The following DNAJC15 variants were observed in gnomAD, a reference collection of about 807,000 sequenced individuals.
DNAJC15 encodes DnaJ heat shock protein family (Hsp40) member C15, also known as dnaJ homolog subfamily C member 15.
DNAJC15 carries 27 observed loss-of-function variants against 22.4 expected under a neutral mutation model. The ratio of observed to expected loss-of-function variants is 1.20; its 90% CI spans 0.89 to 1.66. The LOEUF (loss-of-function observed/expected upper bound fraction) is 1.66. Among genes scored for constraint, DNAJC15 ranks in the 40% most tolerant of loss-of-function variants. DNAJC15 has a pLI of 0.00. For synonymous variants in DNAJC15, 79 were observed against 63.2 expected (o/e 1.25, Z -1.19); for missense variants, 208 against 187.1 (o/e 1.11, Z -0.65).
At chr13:43,079,657 A>C (rs1392900084) in intron 4 of DNAJC15, among the ~76,000 whole-genome samples, 1 of 152,146 alleles carries the variant, frequency 6.6e-6, no homozygotes, top group Non-Finnish European at 1.5e-5. Flanking sequence ...ATTTTTCCTG[A>C]ACTTTTATTG....
chr13:43,044,406 G>C (rs892248525), intron 1 of DNAJC15, among the ~76,000 whole-genome samples: 10 of 152,040 alleles, frequency 6.6e-5, no homozygotes, highest in Non-Finnish European at 1.0e-4. Context: ...TATCATACTC[G>C]TCACGGCATA....
chr13:43,047,674 G>T (rs932736293), intron 1 of DNAJC15, among the ~76,000 whole-genome samples: 2 of 152,202 alleles, frequency 1.3e-5, no homozygotes, highest in African/African-American at 4.8e-5. Context: ...TGGAGCCCAG[G>T]CCTGATTAAC....
Position 43,111,944 on chromosome 13 carries a change from G to A in DNAJC15, c.*4696G>A, listed in dbSNP as rs528452431. The A allele has an allele frequency of 6.6e-6, 1 of 152,348 alleles. No individual in the cohort carries two copies. Among genetic ancestry groups the A allele is most frequent in the African/African-American group, 2.4e-5 (1 of 41,588 alleles). 9.4% of individuals were successfully genotyped at this position (152,348 alleles called of 1,614,324 possible). ...GGTGGCATTACACACATTAAGAGAT[G>A]AGGACTTCTGTTAGCATAATTTATT... is the stretch of plus-strand genomic sequence containing the variant. On this transcript the variant is annotated 3_prime_UTR_variant, in exon 6 of 6. Transcript: ENST00000379221.
chr13:43,024,096 G>C lies in DNAJC15; in HGVS notation c.108+362G>C, dbSNP rs1037173037. On this transcript the variant is annotated intron_variant, in intron 1 of 5. Transcript: ENST00000379221. ...GTGGTGGGATCAGGGACGCTTCTTG[G>C]AGAAAGCTGTAGTTAAAAATTAAGA... Among the ~76,000 whole-genome samples the C allele has an allele frequency of 6.6e-5, 10 of 152,170 alleles. No homozygotes were observed. In the East Asian group the frequency reaches 1.9e-3, roughly 29 times the overall value.
At position 43,087,607 on chromosome 13, in the gene DNAJC15, G is replaced by C. The variant is rs186228913; in HGVS notation, c.382+1769G>C. On this transcript the variant is annotated intron_variant, in intron 5 of 5. Transcript: ENST00000379221. ...ATTTACTTTAGCCAGGTCACCACTG[G>C]GTATTATAGGTAGTTGGAAATACTT... Among the ~76,000 whole-genome samples, 1,164 of 152,176 alleles carry C rather than the reference G, an allele frequency of 7.6e-3. 5 individuals carry two copies. Among genetic ancestry groups the C allele is most frequent in the Non-Finnish European group, 0.012 (844 of 67,998 alleles).
intron 5 of DNAJC15, among the ~76,000 whole-genome samples, chr13:43,094,944 C>G (rs929307926): frequency 6.6e-6 from 1 of 152,110 alleles, no homozygotes; most frequent in African/African-American, 2.4e-5. Flanking sequence ...TCTTTGGACC[C>G]TCAAGCCATA....
At chr13:43,084,108 A>C (rs2040676278) in intron 4 of DNAJC15, among the ~76,000 whole-genome samples, 1 of 152,210 alleles carries the variant, frequency 6.6e-6, no homozygotes, top group South Asian at 2.1e-4. Flanking sequence ...TCAAAATAGA[A>C]CTTAAATGAA....
chr13:43,069,060 TATTTCA>T, intron 3 of DNAJC15, 57 bp downstream of exon 3: 3 of 1,494,464 alleles, frequency 2.0e-6, no homozygotes, highest in Non-Finnish European at 2.8e-6. Flanking sequence ...TCATATGACA[TATTTCA>T]ATTAACTTAG....
intron 1 of DNAJC15, among the ~76,000 whole-genome samples, chr13:43,055,362 C>G (rs1284438898): frequency 6.6e-6 from 1 of 152,172 alleles, no homozygotes; most frequent in East Asian, 1.9e-4. Flanking sequence ...CACTAACTCC[C>G]TCCTCACTAG....
chr13:43,077,932 G>A (rs2040641851), intron 3 of DNAJC15, among the ~76,000 whole-genome samples: 1 of 152,140 alleles, frequency 6.6e-6, no homozygotes, highest in African/African-American at 2.4e-5. Context: ...TTTCTGAACT[G>A]GTCTGCTACT....
intron 1 of DNAJC15, among the ~76,000 whole-genome samples, chr13:43,028,448 TAAAAACAA>T (rs1369410825): frequency 1.1e-4 from 16 of 152,254 alleles, no homozygotes; most frequent in African/African-American, 3.9e-4. Context: ...TGATCGCCTT[TAAAAACAA>T]GTCTCTTTGC....
chr13:43,103,353 A>C (rs2040780570), intron 5 of DNAJC15, among the ~76,000 whole-genome samples: 1 of 152,224 alleles, frequency 6.6e-6, no homozygotes, highest in Admixed American at 6.5e-5. Flanking sequence ...AAATTGAAGA[A>C]AAAAGTATGT....
intron 1 of DNAJC15, among the ~76,000 whole-genome samples, chr13:43,035,018 G>A (rs1040564172): frequency 1.3e-5 from 2 of 152,048 alleles, no homozygotes; most frequent in Non-Finnish European, 2.9e-5. Context: ...CCACCCAAAT[G>A]TTCCCCAATT....
Position 43,065,754 on chromosome 13 carries a change from A to C in DNAJC15, c.160+17A>C. The C allele has an allele frequency of 6.2e-7, 1 of 1,610,528 alleles. No individual in the cohort carries two copies. The highest frequency in any genetic ancestry group is 8.5e-7 in the Non-Finnish European group (1 of 1,177,476). ...CATTTGCAGGTAAGATAAAGAATAC[A>C]TACCAATAAATTGCAGGAGAAATCT... On this transcript the variant is annotated intron_variant, in intron 2 of 5. Coordinates refer to ENST00000379221, the MANE Select transcript of DNAJC15 (RefSeq NM_013238.3).
intron 2 of DNAJC15, among the ~76,000 whole-genome samples, chr13:43,067,209 A>C (rs536293598): frequency 3.3e-5 from 5 of 152,014 alleles, no homozygotes; most frequent in Non-Finnish European, 7.4e-5. Flanking sequence ...TATGGTATTT[A>C]TTTTCTCACA....
intron 2 of DNAJC15, among the ~76,000 whole-genome samples, chr13:43,066,036 A>T (rs1232750622): frequency 6.6e-6 from 1 of 152,190 alleles, no homozygotes; most frequent in Non-Finnish European, 1.5e-5. Context: ...TTTTAATATT[A>T]TGCAATGTAA....
At chr13:43,091,802 T>A (rs2040716639) in intron 5 of DNAJC15, among the ~76,000 whole-genome samples, 1 of 152,202 alleles carries the variant, frequency 6.6e-6, no homozygotes, top group African/African-American at 2.4e-5. Context: ...TGTGTGTTAT[T>A]TGACATGCAT....
At position 43,097,187 on chromosome 13, in the gene DNAJC15, T is replaced by C. The variant is rs575082236; in HGVS notation, c.383-9991T>C. On this transcript the variant is annotated intron_variant, in intron 5 of 5. Coordinates refer to ENST00000379221, the MANE Select transcript of DNAJC15 (RefSeq NM_013238.3). Reference sequence around the variant, plus strand: ...GGGGAGGCGGATGCTGATTTACTTATAGCCTTCTTAGAAATTCTCTCTAAG... The same window carrying C: ...GGGGAGGCGGATGCTGATTTACTTACAGCCTTCTTAGAAATTCTCTCTAAG... Among the ~76,000 whole-genome samples the C allele has an allele frequency of 1.8e-4, 27 of 152,336 alleles. No homozygotes were observed. The South Asian group carries it at 5.0e-3, about 28-fold the overall frequency.
intron 2 of DNAJC15, among the ~76,000 whole-genome samples, chr13:43,065,941 T>C (rs1593319761): frequency 6.6e-6 from 1 of 152,308 alleles, no homozygotes; most frequent in East Asian, 1.9e-4. Flanking sequence ...AAATTAGTGA[T>C]AAAAAGCCAG....
Sources: gnomAD v4.1 joint callset for allele counts (sites outside exome capture counted in the v4.1 genomes callset) on GRCh38, gnomAD v4.1.1 for gene constraint, MANE v1.5 for transcripts, NCBI Gene and HGNC (gene_info 2026-07-23, HGNC 2026-07-21) for gene names.